The following LINGO2 variants were observed in gnomAD, a reference collection of about 807,000 sequenced individuals.
LINGO2 encodes the protein leucine rich repeat and Ig domain containing 2.
A neutral mutation model predicts 30.6 loss-of-function variants in LINGO2; 14 were observed. The ratio of observed to expected loss-of-function variants is 0.46; its 90% CI spans 0.30 to 0.72. LINGO2 has a LOEUF of 0.72. Among genes scored for constraint, LINGO2 ranks in the 30% least tolerant of loss-of-function variants. The probability of loss-of-function intolerance (pLI) is 0.07; values close to 1 mark genes in which losing one functional copy is unlikely to be tolerated. For missense variants in LINGO2, 729 were observed against 751.7 expected, an observed-to-expected ratio of 0.97 and a Z score of 0.35; for synonymous variants, 317 against 288.5, an observed-to-expected ratio of 1.10 and a Z score of -1.00.
In LINGO2 at chr9:28,345,458, T is replaced by C. The variant is rs1212474562; in HGVS notation, c.-246+27378A>G. Among the ~76,000 whole-genome samples the C allele has an allele frequency of 2.6e-5, 4 of 152,112 alleles. No individual in the cohort carries two copies. In the East Asian group the frequency reaches 5.8e-4, roughly 22 times the overall value. The stretch of plus-strand genomic sequence containing the variant: ...GAACGCCAGAATGACCTCTCAAATA[T>C]AGGGTAACCTATTGCAGCTTTATAT... On this transcript the variant is annotated intron_variant, in intron 3 of 5. Coordinates refer to ENST00000379992, the Ensembl canonical transcript of LINGO2.
At chr9:29,079,165 G>T in the LINGO2 span, among the ~76,000 whole-genome samples, 1 of 151,788 alleles carries the variant, frequency 6.6e-6, no homozygotes, top group African/African-American at 2.4e-5. Context: ...TGCTACGGTA[G>T]ATGTGCTCTG....
rs565538213 is a variant in LINGO2, at chr9:28,345,269, T to A, written c.-246+27567A>T. Among the ~76,000 whole-genome samples, 8 of 152,280 alleles carry A rather than the reference T, an allele frequency of 5.3e-5. No homozygotes were observed. The East Asian group carries it at 1.5e-3, about 29-fold the overall frequency. On this transcript the variant is annotated intron_variant, in intron 3 of 5. Transcript: ENST00000379992. Reference sequence around the variant, plus strand: ...TAAATATATTTTTTCTTTTAATTCATATATTTTTTTCAAGTGGTTACTAAG... The same window carrying A: ...TAAATATATTTTTTCTTTTAATTCAAATATTTTTTTCAAGTGGTTACTAAG...
chr9:28,715,827 C>G, the LINGO2 span, among the ~76,000 whole-genome samples: 4 of 151,930 alleles, frequency 2.6e-5, no homozygotes, highest in Non-Finnish European at 5.9e-5. Flanking sequence ...CTAAAGGTAC[C>G]TGTGGCTTTA....
chr9:28,055,762 G>A (rs954512578), intron 4 of LINGO2, among the ~76,000 whole-genome samples: 2 of 152,168 alleles, frequency 1.3e-5, no homozygotes, highest in African/African-American at 2.4e-5. Flanking sequence ...GGAAGTTTAA[G>A]TAGTTCAAAT....
chr9:29,032,256 T>C, the LINGO2 span, among the ~76,000 whole-genome samples: 1 of 152,170 alleles, frequency 6.6e-6, no homozygotes, highest in Non-Finnish European at 1.5e-5. Flanking sequence ...AAGTCAAGTG[T>C]TTATTTTTAA....
chr9:28,126,273 A>G (rs1211944353), intron 4 of LINGO2, among the ~76,000 whole-genome samples: 2 of 152,360 alleles, frequency 1.3e-5, no homozygotes, highest in African/African-American at 2.4e-5. Flanking sequence ...ACAAAAACAT[A>G]AAACCTAGAA....
At chr9:28,394,376 A>G (rs574148561) in intron 2 of LINGO2, among the ~76,000 whole-genome samples, 1 of 152,152 alleles carries the variant, frequency 6.6e-6, no homozygotes, top group African/African-American at 2.4e-5. Flanking sequence ...TCCATCATCC[A>G]AACAGAATCA....
the LINGO2 span, among the ~76,000 whole-genome samples, chr9:29,154,749 A>G: frequency 6.6e-6 from 1 of 152,218 alleles, no homozygotes; most frequent in East Asian, 1.9e-4. Flanking sequence ...ACTTTAGATT[A>G]GAAAAGGAAG....
Position 28,308,156 on chromosome 9 carries a change from C to G in LINGO2, c.-245-12790G>C, listed in dbSNP as rs1206565300. ...TAAGCCAAAAGAACAAAGCTGGAGGCATCACGCTACCTGACTTCAAAGTAT... is the reference window on the plus strand; with the variant it reads ...TAAGCCAAAAGAACAAAGCTGGAGGGATCACGCTACCTGACTTCAAAGTAT... On this transcript the variant is annotated intron_variant, in intron 3 of 5. Transcript: ENST00000379992. 1.5e-5 allele frequency among the ~76,000 whole-genome samples: 2 copies of G among 132,106 alleles called. 1 individual carries two copies. The highest frequency in any genetic ancestry group is 4.5e-4 in the East Asian group (2 of 4,472). The allele number at this position is 132,106 out of a possible 152,430, so 86.7% of individuals were successfully genotyped here.
chr9:28,763,035 T>C, the LINGO2 span, among the ~76,000 whole-genome samples: 1 of 152,262 alleles, frequency 6.6e-6, no homozygotes, highest in Admixed American at 6.5e-5. Flanking sequence ...CAGTTTATTT[T>C]GTTCTGTGAA....
At chr9:27,981,551 G>GAAAAAAAAAA (rs1279785343) in intron 5 of LINGO2, among the ~76,000 whole-genome samples, 3 of 87,124 alleles carry the variant, frequency 3.4e-5, no homozygotes, top group East Asian at 4.2e-4. Context: ...AAAAAAAAAA[G>GAAAAAAAAAA]AAAAAAAAGA....
chr9:28,862,769 C>G, the LINGO2 span, among the ~76,000 whole-genome samples: 2 of 152,038 alleles, frequency 1.3e-5, no homozygotes, highest in African/African-American at 4.8e-5. Context: ...ATAAGACCTA[C>G]GCTCTAGCCT....
rs117934314 is a variant in LINGO2 at position 28,662,413 on chromosome 9, T to A, written c.-365+7787A>T. On this transcript the variant is annotated intron_variant, in intron 1 of 5. Transcript: ENST00000379992. Reference sequence around the variant, plus strand: ...ACTTAGAATGTTAATATTTATCAACTTTTTACCCACCTTTACAGTCCCACC... The same window carrying A: ...ACTTAGAATGTTAATATTTATCAACATTTTACCCACCTTTACAGTCCCACC... Among the ~76,000 whole-genome samples the A allele has an allele frequency of 8.7e-4, 133 of 152,278 alleles. 3 individuals carry two copies. In the East Asian group the frequency reaches 0.024, roughly 28 times the overall value.
rs190503550 is a variant in LINGO2, at chr9:28,622,848, T to C, written c.-365+47352A>G. Among the ~76,000 whole-genome samples, 211 of 152,068 alleles carry C rather than the reference T, an allele frequency of 1.4e-3. 1 individual carries two copies. Among genetic ancestry groups the C allele is most frequent in the African/African-American group, 4.9e-3 (202 of 41,528 alleles). The stretch of plus-strand genomic sequence containing the variant: ...CCTTTTCTCCACATCCTCATCAGCA[T>C]TGATTATTGCCTGTCATTTGTATAT... On this transcript the variant is annotated intron_variant, in intron 1 of 5. Coordinates refer to ENST00000379992, the Ensembl canonical transcript of LINGO2.
At chr9:28,162,870 A>G (rs553616811) in intron 4 of LINGO2, among the ~76,000 whole-genome samples, 1 of 152,176 alleles carries the variant, frequency 6.6e-6, no homozygotes, top group African/African-American at 2.4e-5. Flanking sequence ...TGATGTAGAG[A>G]TATGTAGGGT....
chr9:28,815,450 G>A, the LINGO2 span, among the ~76,000 whole-genome samples: 5 of 152,222 alleles, frequency 3.3e-5, no homozygotes, highest in East Asian at 9.7e-4. Flanking sequence ...TAATATAAGA[G>A]CACTATTTTC....
intron 3 of LINGO2, among the ~76,000 whole-genome samples, chr9:28,303,919 G>C (rs1438067494): frequency 6.6e-6 from 1 of 152,006 alleles, no homozygotes; most frequent in Admixed American, 6.6e-5. Context: ...CATGTAAGTG[G>C]ACACAAGCAG....
Position 28,030,908 on chromosome 9 carries a change from C to T in LINGO2, c.-86-18503G>A, listed in dbSNP as rs1563926951. ...AGTAAATCCTGTATTCGCTTGCATA[C>T]CATTGACAAATTGCTGAACTCCCCA... On this transcript the variant is annotated intron_variant, in intron 4 of 5. Transcript: ENST00000379992. Among the ~76,000 whole-genome samples, 6 of 152,076 alleles carry T rather than the reference C, an allele frequency of 3.9e-5. No individual in the cohort carries two copies. The South Asian group carries it at 1.2e-3, about 32-fold the overall frequency.
At chr9:28,474,471 A>G (rs1280066301) in intron 2 of LINGO2, among the ~76,000 whole-genome samples, 1 of 152,116 alleles carries the variant, frequency 6.6e-6, no homozygotes, top group African/African-American at 2.4e-5. Context: ...AGAAGTCTAG[A>G]TGTCTTATAA....
Sources: allele counts gnomAD v4.1 joint callset (sites outside exome capture counted in the v4.1 genomes callset), GRCh38; gene constraint gnomAD v4.1.1; transcripts MANE v1.5; gene names NCBI Gene and HGNC (gene_info 2026-07-23, HGNC 2026-07-21).